SOS1: variants seen among roughly 807,000 people sequenced by gnomAD.
SOS1 encodes the protein SOS Ras/Rac guanine nucleotide exchange factor 1.
In SOS1, 25 loss-of-function variants were observed where a neutral mutation model predicts 157.6. That is an observed-to-expected ratio of 0.16 (90% confidence interval 0.12 to 0.22). SOS1 has a LOEUF of 0.22. SOS1 is among the 10% of genes least tolerant of loss of function. The pLI, the probability that SOS1 is intolerant of heterozygous loss-of-function variation, is 1.00. For missense variants in SOS1, 1,237 were observed against 1,599.1 expected, an observed-to-expected ratio of 0.77 and a Z score of 3.86; for synonymous variants, 528 against 534.0, an observed-to-expected ratio of 0.99 and a Z score of 0.16.
chr2:39,017,051 A>G (rs955812948), intron 10 of SOS1, among the ~76,000 whole-genome samples: 10 of 152,070 alleles, frequency 6.6e-5, no homozygotes, highest in Admixed American at 2.6e-4. Context: ...TTCTTGGTCT[A>G]TTATGTAACA....
chr2:39,075,398 G>T (rs918307125), intron 1 of SOS1, among the ~76,000 whole-genome samples: 2 of 152,086 alleles, frequency 1.3e-5, no homozygotes, highest in African/African-American at 4.8e-5. Context: ...TACATCTAGG[G>T]AAACAAACCT....
chr2:39,019,526 A>G (rs1669729054), intron 10 of SOS1, among the ~76,000 whole-genome samples: 1 of 151,732 alleles, frequency 6.6e-6, no homozygotes, highest in African/African-American at 2.4e-5. Flanking sequence ...GACAAACCCC[A>G]AAGTTCTGAT....
At chr2:39,064,532 C>T (rs1671523514) in intron 2 of SOS1, among the ~76,000 whole-genome samples, 1 of 152,036 alleles carries the variant, frequency 6.6e-6, no homozygotes, top group African/African-American at 2.4e-5. Flanking sequence ...CAAGAATATA[C>T]CATCATTAAC....
chr2:39,105,987 C>A (rs1029048089), intron 1 of SOS1, among the ~76,000 whole-genome samples: 4 of 152,012 alleles, frequency 2.6e-5, no homozygotes, highest in African/African-American at 9.7e-5. Flanking sequence ...GAGGCCCAGG[C>A]GGGTGAATCT....
At chr2:39,089,561 GAAGCCAACCTAAAA>G (rs1403138904) in intron 1 of SOS1, among the ~76,000 whole-genome samples, 1 of 141,782 alleles carries the variant, frequency 7.1e-6, no homozygotes, top group Non-Finnish European at 1.5e-5. Flanking sequence ...AGAAAGAAAA[GAAGCCAACCTAAAA>G]AAGCTCCCAA....
chr2:39,057,896 T>C lies in SOS1; in HGVS notation c.345+777A>G, dbSNP rs1234897052. Among the ~76,000 whole-genome samples, 3 of 21,608 alleles carry C rather than the reference T, an allele frequency of 1.4e-4. No homozygotes were observed. In the East Asian group the frequency reaches 1.8e-3, roughly 13 times the overall value. The allele number at this position is 21,608 out of a possible 152,430, so 14.2% of individuals were successfully genotyped here. A position where few individuals can be genotyped will look rare whatever the true frequency, so the allele number is the denominator to read the frequency against. On this transcript the variant is annotated intron_variant, in intron 3 of 22. Transcript: ENST00000402219. ...CAAGCAAACCTGAACTTTCTAACAC[T>C]ATCACTTAAGAGTCTTGTGAACTTG...
chr2:38,989,310 A>G lies in SOS1; in HGVS notation c.3351T>C (p.Asn1117=). ...GAGTAACTTGGATAAAGACGGTATC[A>G]TTGCCTGTGAAAGGAAACAAGAAAA... ...SDHSSPFHSS[N]DTVFIQVTLP... The change falls in exon 21 of 23, where the codon AAT becomes AAC. Residue 1117 remains asparagine (N), a synonymous_variant. Coordinates refer to ENST00000402219, the MANE Select transcript of SOS1 (RefSeq NM_005633.4). 6.2e-7 allele frequency: 1 copy of G among 1,604,664 alleles called. No individual in the cohort carries two copies. Among genetic ancestry groups the G allele is most frequent in the Non-Finnish European group, 8.5e-7 (1 of 1,171,682 alleles).
Position 39,006,549 on chromosome 2 carries a change from G to C in SOS1, c.2674-20C>G, listed in dbSNP as rs759424470. The C allele has an allele frequency of 3.2e-6, 4 of 1,237,166 alleles. No homozygotes were observed. Among genetic ancestry groups the C allele is most frequent in the Non-Finnish European group, 4.8e-6 (4 of 837,170 alleles). The allele number at this position is 1,237,166 out of a possible 1,614,324, so 76.6% of individuals were successfully genotyped here. On this transcript the variant is annotated intron_variant, in intron 16 of 22. Coordinates refer to ENST00000402219, the MANE Select transcript of SOS1 (RefSeq NM_005633.4). ...TATTTGCTATAAGGAAAAAAAATAG[G>C]CGTAAGTTTACAAAAGGAATCAAAG...
intron 1 of SOS1, among the ~76,000 whole-genome samples, chr2:39,087,633 T>A (rs1354897171): frequency 6.6e-6 from 1 of 152,230 alleles, no homozygotes; most frequent in East Asian, 1.9e-4. Flanking sequence ...CACCAGAGGA[T>A]AACATGATGA....
At chr2:39,005,095 T>G (rs929669321) in intron 17 of SOS1, among the ~76,000 whole-genome samples, 3 of 152,218 alleles carry the variant, frequency 2.0e-5, no homozygotes, top group African/African-American at 4.8e-5. Context: ...CTATAGGTAG[T>G]ACTAAACCCT....
At chr2:39,018,909 A>G (rs908302310) in intron 10 of SOS1, among the ~76,000 whole-genome samples, 1 of 151,876 alleles carries the variant, frequency 6.6e-6, no homozygotes, top group Non-Finnish European at 1.5e-5. Context: ...GCTGACGCAC[A>G]AACACTTTTT....
intron 10 of SOS1, 78 bp downstream of exon 10, chr2:39,022,492 G>A (rs1428709443): frequency 9.1e-7 from 1 of 1,097,850 alleles, no homozygotes; most frequent in East Asian, 2.4e-5. Context: ...TCTATTTTAG[G>A]CACAATAAAC....
chr2:39,100,848 G>C (rs570786639), intron 1 of SOS1, among the ~76,000 whole-genome samples: 17 of 152,284 alleles, frequency 1.1e-4, no homozygotes, highest in African/African-American at 3.1e-4. Context: ...AAGCCCAGGA[G>C]GGGGAGGTTG....
At chr2:39,002,545 A>C (rs1669137032) in intron 17 of SOS1, among the ~76,000 whole-genome samples, 1 of 152,204 alleles carries the variant, frequency 6.6e-6, no homozygotes, top group Non-Finnish European at 1.5e-5. Context: ...CTAGGTGAGC[A>C]GACTGACTGT....
chr2:39,041,361 G>T (rs918004542), intron 6 of SOS1, among the ~76,000 whole-genome samples: 1 of 152,066 alleles, frequency 6.6e-6, no homozygotes, highest in Non-Finnish European at 1.5e-5. Flanking sequence ...ATCTTCATTG[G>T]AGAAATATCT....
chr2:38,989,187 A>C, intron 21 of SOS1, 83 bp downstream of exon 21: 1 of 927,194 alleles, frequency 1.1e-6, no homozygotes, highest in East Asian at 2.5e-5. Context: ...AGACCCAAGA[A>C]GAGTTTTAGC....
At chr2:39,077,812 G>C (rs1369883520) in intron 1 of SOS1, among the ~76,000 whole-genome samples, 1 of 152,078 alleles carries the variant, frequency 6.6e-6, no homozygotes, top group Non-Finnish European at 1.5e-5. Context: ...ACTGAAGATG[G>C]ATCAAGTACA....
chr2:39,056,979 T>C (rs1202996691), intron 3 of SOS1, 113 bp from the exon 4 acceptor site: 2 of 752,282 alleles, frequency 2.7e-6, no homozygotes, highest in African/African-American at 3.5e-5. Flanking sequence ...TCCTGAGGCC[T>C]GTGCTTACCA....
intron 6 of SOS1, 52 bp from the exon 7 acceptor site, chr2:39,035,552 A>T (rs772946426): frequency 3.7e-6 from 5 of 1,341,896 alleles, no homozygotes; most frequent in Non-Finnish European, 4.3e-6. Flanking sequence ...ACAAACACAG[A>T]AAGATTTAAT....
Sources: gnomAD v4.1 joint callset for allele counts (sites outside exome capture counted in the v4.1 genomes callset) on GRCh38, gnomAD v4.1.1 for gene constraint, MANE v1.5 for transcripts, NCBI Gene and HGNC (gene_info 2026-07-23, HGNC 2026-07-21) for gene names.